The following NDST3 variants were observed in gnomAD, a reference collection of about 807,000 sequenced individuals.
The protein encoded by NDST3 is N-deacetylase and N-sulfotransferase 3.
NDST3 carries 58 observed loss-of-function variants against 96.1 expected under a neutral mutation model. The observed-to-expected ratio is 0.60, with a 90% confidence interval of 0.49 to 0.75. NDST3 has a LOEUF of 0.75. Among genes scored for constraint, NDST3 ranks in the 30% least tolerant of loss-of-function variants. The pLI, the probability that NDST3 is intolerant of heterozygous loss-of-function variation, is 0.00. For missense variants in NDST3, 788 were observed against 1,034.2 expected (o/e 0.76, Z 3.27); for synonymous variants, 333 against 359.7 (o/e 0.93, Z 0.84).
chr4:118,212,666 T>G (rs1219459720), intron 6 of NDST3, among the ~76,000 whole-genome samples: 2 of 152,188 alleles, frequency 1.3e-5, no homozygotes, highest in African/African-American at 2.4e-5. Context: ...ACCTTTAAAG[T>G]CTACCTGATT....
Position 118,255,828 on chromosome 4 carries a change from A to G in NDST3, c.*116A>G, listed in dbSNP as rs1042627543. The G allele has an allele frequency of 8.2e-7, 1 of 1,212,228 alleles. No homozygotes were observed. The highest frequency in any genetic ancestry group is 1.8e-5 in the South Asian group (1 of 54,836). The allele number at this position is 1,212,228 out of a possible 1,614,324, so 75.1% of individuals were successfully genotyped here. On this transcript the variant is annotated 3_prime_UTR_variant, in exon 14 of 14. Coordinates refer to ENST00000296499, the MANE Select transcript of NDST3 (RefSeq NM_004784.3). ...ACCTCTTCAAATGAGAAAAAAGAAC[A>G]GTTTCTTCCATGTGCTGGCACGTGG...
At chr4:118,070,286 T>C (rs1011210115) in intron 2 of NDST3, among the ~76,000 whole-genome samples, 3 of 152,074 alleles carry the variant, frequency 2.0e-5, no homozygotes, top group Admixed American at 2.0e-4. Context: ...AGTAATTATA[T>C]GGTGAAATAG....
At chr4:118,057,599 C>A (rs550991994) in intron 2 of NDST3, among the ~76,000 whole-genome samples, 1 of 152,154 alleles carries the variant, frequency 6.6e-6, no homozygotes, top group African/African-American at 2.4e-5. Flanking sequence ...GATGCTATAG[C>A]TTCAGAAAAA....
chr4:118,237,923 G>C (rs1462889319), intron 10 of NDST3, among the ~76,000 whole-genome samples: 1 of 151,948 alleles, frequency 6.6e-6, no homozygotes, highest in Admixed American at 6.6e-5. Flanking sequence ...TTGAGCCCAG[G>C]AGTTCAAGAC....
chr4:118,124,153 T>C (rs535955834), intron 4 of NDST3, among the ~76,000 whole-genome samples: 20 of 152,240 alleles, frequency 1.3e-4, no homozygotes, highest in African/African-American at 4.8e-4. Context: ...CCACTTTATA[T>C]GTAATATCTA....
Position 118,257,780 on chromosome 4 carries a change from G to C in NDST3, c.*2068G>C, listed in dbSNP as rs1046310715. On this transcript the variant is annotated 3_prime_UTR_variant, in exon 14 of 14. Coordinates refer to ENST00000296499, the MANE Select transcript of NDST3 (RefSeq NM_004784.3). ...ATTTTTAAGACTCTTGACTCTAAAA[G>C]CAAAATCAAAGTGATTTGGACAAAT... 4 of 152,064 alleles carry C rather than the reference G, an allele frequency of 2.6e-5. No homozygotes were observed. Among genetic ancestry groups the C allele is most frequent in the Admixed American group, 2.6e-4 (4 of 15,258 alleles). The allele number at this position is 152,064 out of a possible 1,614,324, so 9.4% of individuals were successfully genotyped here.
intron 4 of NDST3, among the ~76,000 whole-genome samples, chr4:118,134,295 A>T (rs1732891545): frequency 6.6e-6 from 1 of 152,262 alleles, no homozygotes; most frequent in Non-Finnish European, 1.5e-5. Context: ...GATCATATGC[A>T]GCGCTTGCGA....
intron 2 of NDST3, among the ~76,000 whole-genome samples, chr4:118,069,320 G>C (rs937768448): frequency 6.6e-6 from 1 of 152,022 alleles, no homozygotes; most frequent in African/African-American, 2.4e-5. Context: ...TTACAAAAGA[G>C]ATCTGAGGTT....
intron 6 of NDST3, among the ~76,000 whole-genome samples, chr4:118,205,509 G>C (rs1030871094): frequency 1.4e-5 from 2 of 144,622 alleles, no homozygotes; most frequent in Admixed American, 1.4e-4. Flanking sequence ...TAGGACAGTT[G>C]TATCTACATT....
rs544783503 is a variant in NDST3, at chr4:118,093,884, T to A, written c.982-11134T>A. ...TTCCAAGGTCAAGGCACCAGCAGGT[T>A]CAGTGTCTAGTAAGGGTTAAGTGTC... On this transcript the variant is annotated intron_variant, in intron 2 of 13. Transcript: ENST00000296499. Among the ~76,000 whole-genome samples, 31 of 151,980 alleles carry A rather than the reference T, an allele frequency of 2.0e-4. No individual in the cohort carries two copies. The South Asian group carries it at 6.4e-3, about 31-fold the overall frequency.
chr4:118,207,914 T>C (rs1356304483), intron 6 of NDST3, among the ~76,000 whole-genome samples: 1 of 144,632 alleles, frequency 6.9e-6, no homozygotes, highest in East Asian at 2.0e-4. Context: ...ATAACCTCAT[T>C]AAGTCTCCTT....
chr4:118,140,566 T>A (rs1186334813), intron 5 of NDST3, among the ~76,000 whole-genome samples: 1 of 152,166 alleles, frequency 6.6e-6, no homozygotes, highest in Admixed American at 6.5e-5. Context: ...CATTCTCACA[T>A]TGCTATGAGT....
At chr4:118,202,815 G>C (rs1055204859) in intron 6 of NDST3, among the ~76,000 whole-genome samples, 5 of 152,084 alleles carry the variant, frequency 3.3e-5, no homozygotes, top group Non-Finnish European at 7.4e-5. Context: ...TCTTTCTCTT[G>C]CCTGATTGTT....
intron 6 of NDST3, among the ~76,000 whole-genome samples, chr4:118,186,331 G>A (rs1250736407): frequency 6.6e-6 from 1 of 152,086 alleles, no homozygotes; most frequent in Non-Finnish European, 1.5e-5. Context: ...TCTCTAGAGG[G>A]ACAGAACTAA....
chr4:118,234,124 G>C (rs1220261528), intron 9 of NDST3, among the ~76,000 whole-genome samples: 1 of 152,144 alleles, frequency 6.6e-6, no homozygotes, highest in South Asian at 2.1e-4. Flanking sequence ...AGAAACCATC[G>C]ACAGTGGCCA....
At chr4:118,197,711 G>A (rs1737785416) in intron 6 of NDST3, among the ~76,000 whole-genome samples, 1 of 148,268 alleles carries the variant, frequency 6.7e-6, no homozygotes, top group Non-Finnish European at 1.5e-5. Flanking sequence ...GGTGAAGTCT[G>A]TTTCTTGTGG....
chr4:118,254,245 CA>C (rs33924467), intron 13 of NDST3, among the ~76,000 whole-genome samples: 15,814 of 127,544 alleles, frequency 0.12, 961 homozygotes, highest in South Asian at 0.2. Flanking sequence ...AACTCCAACT[CA>C]AAAAAAAAAA....
chr4:118,115,907 C>A (rs1281768581), intron 4 of NDST3, among the ~76,000 whole-genome samples: 1 of 152,136 alleles, frequency 6.6e-6, no homozygotes, highest in Non-Finnish European at 1.5e-5. Context: ...TAGCTTCAAT[C>A]TACTCCCCCA....
At chr4:118,201,639 T>C (rs1452471220) in intron 6 of NDST3, among the ~76,000 whole-genome samples, 1 of 152,140 alleles carries the variant, frequency 6.6e-6, no homozygotes, top group East Asian at 1.9e-4. Flanking sequence ...TTATTTGGTG[T>C]TTTGCCTGTT....
Sources: allele counts gnomAD v4.1 joint callset (sites outside exome capture counted in the v4.1 genomes callset), GRCh38; gene constraint gnomAD v4.1.1; transcripts MANE v1.5; gene names NCBI Gene and HGNC (gene_info 2026-07-23, HGNC 2026-07-21).